Variants in GLIS3 observed in about 807,000 individuals in gnomAD.
The protein encoded by GLIS3 is zinc finger protein GLIS3.
Under a neutral mutation model 78.6 loss-of-function variants are expected in GLIS3, and 53 were observed. The observed-to-expected ratio is 0.67, with a 90% confidence interval of 0.54 to 0.85. GLIS3 has a LOEUF of 0.85. Ranked by LOEUF, GLIS3 falls within the 40% of genes least tolerant of loss-of-function variation. The pLI is 0.00. For missense variants in GLIS3, 1,703 were observed against 1,231.1 expected, an observed-to-expected ratio of 1.38 and a Z score of -5.74; for synonymous variants, 684 against 509.9, an observed-to-expected ratio of 1.34 and a Z score of -4.60.
intron 9 of GLIS3, among the ~76,000 whole-genome samples, chr9:3,843,079 T>C (rs1455028015): frequency 6.6e-6 from 1 of 152,224 alleles, no homozygotes; most frequent in Non-Finnish European, 1.5e-5. Flanking sequence ...GGTGAAATCA[T>C]GGGACCTAAT....
At chr9:4,208,914 C>A (rs10814881) in intron 2 of GLIS3, among the ~76,000 whole-genome samples, 56,424 of 151,966 alleles carry the variant, frequency 0.37, 10,988 homozygotes, top group Non-Finnish European at 0.44. Context: ...ATAATAAAGG[C>A]TGTCTGGATG....
chr9:3,996,942 C>T lies in GLIS3; in HGVS notation c.1711-59753G>A, dbSNP rs952219732. On this transcript the variant is annotated intron_variant, in intron 4 of 10. Coordinates refer to ENST00000381971, the MANE Select transcript of GLIS3 (RefSeq NM_001042413.2). ...CAAATGATAAGTGTCTAGAATAATA[C>T]AAATTACCATAGAACGCTTAAGGAG... Among the ~76,000 whole-genome samples the T allele has an allele frequency of 1.6e-4, 24 of 152,042 alleles. 1 individual carries two copies. Among genetic ancestry groups the T allele is most frequent in the Middle Eastern group, 3.2e-3 (1 of 316 alleles).
rs144851923 is a variant in GLIS3, at chr9:4,043,150, C to T, written c.1710+74618G>A. Reference sequence around the variant, plus strand: ...CTTCCCACAGCCCCACTCAAGGTCCCAATTTAACTCCTGCATTTTAATCCC... The same window carrying T: ...CTTCCCACAGCCCCACTCAAGGTCCTAATTTAACTCCTGCATTTTAATCCC... On this transcript the variant is annotated intron_variant, in intron 4 of 10. Coordinates refer to ENST00000381971, the MANE Select transcript of GLIS3 (RefSeq NM_001042413.2). Among the ~76,000 whole-genome samples, 495 of 152,292 alleles carry T rather than the reference C, an allele frequency of 3.3e-3. 5 individuals are homozygous for T. Among genetic ancestry groups the T allele is most frequent in the Middle Eastern group, 0.01 (3 of 294 alleles).
At chr9:4,387,732 C>T in the GLIS3 span, among the ~76,000 whole-genome samples, 3 of 152,190 alleles carry the variant, frequency 2.0e-5, no homozygotes, top group African/African-American at 7.2e-5. Flanking sequence ...TTTCTATAAT[C>T]TTCATTTGAT....
intron 1 of GLIS3, 44 bp from the exon 2 acceptor site, chr9:4,286,567 A>G: frequency 1.1e-6 from 1 of 949,930 alleles, no homozygotes; most frequent in Non-Finnish European, 1.6e-6. Flanking sequence ...AGCAAAAATG[A>G]AAATAAGATA....
At chr9:3,928,120 C>T (rs1211246356) in intron 6 of GLIS3, among the ~76,000 whole-genome samples, 1 of 152,204 alleles carries the variant, frequency 6.6e-6, no homozygotes, top group South Asian at 2.1e-4. Context: ...AGTGCCGTTT[C>T]AATGTCATCC....
At chr9:4,188,722 T>C (rs1818036852) in intron 2 of GLIS3, among the ~76,000 whole-genome samples, 1 of 152,212 alleles carries the variant, frequency 6.6e-6, no homozygotes, top group South Asian at 2.1e-4. Flanking sequence ...GGTTTAGTCA[T>C]GGGAGGGTGT....
intron 1 of GLIS3, chr9:4,298,344 G>A (rs902847928): frequency 2.0e-5 from 9 of 455,164 alleles, no homozygotes; most frequent in Admixed American, 7.1e-5. Context: ...CGCGAACGCG[G>A]AGCCAGAAAC....
intron 1 of GLIS3, chr9:4,298,566 G>T: frequency 1.3e-5 from 4 of 314,954 alleles, no homozygotes; most frequent in Non-Finnish European, 2.5e-5. Context: ...AGAGCGACCC[G>T]GGCCGACTTC....
chr9:4,134,984 T>G (rs561805363), intron 2 of GLIS3, among the ~76,000 whole-genome samples: 10 of 152,258 alleles, frequency 6.6e-5, no homozygotes, highest in African/African-American at 2.2e-4. Context: ...TCCACTGGAC[T>G]CTCACACAAA....
chr9:4,319,575 G>C (rs994411574), intron 2 of GLIS3, among the ~76,000 whole-genome samples: 5 of 151,898 alleles, frequency 3.3e-5, no homozygotes, highest in Non-Finnish European at 5.9e-5. Context: ...TGTCACCAAG[G>C]CTGGAATGCA....
At chr9:4,248,616 T>C (rs1010221884) in intron 2 of GLIS3, among the ~76,000 whole-genome samples, 5 of 152,250 alleles carry the variant, frequency 3.3e-5, no homozygotes, top group African/African-American at 1.2e-4. Flanking sequence ...GTAGTGGGAT[T>C]GCTGGGTCAA....
intron 4 of GLIS3, among the ~76,000 whole-genome samples, chr9:4,065,214 C>T (rs1197799647): frequency 6.6e-6 from 1 of 152,154 alleles, no homozygotes; most frequent in Non-Finnish European, 1.5e-5. Flanking sequence ...GGATCCCCTT[C>T]TCAGGCTTTC....
At chr9:4,438,643 G>C in the GLIS3 span, among the ~76,000 whole-genome samples, 2 of 152,172 alleles carry the variant, frequency 1.3e-5, no homozygotes, top group Non-Finnish European at 2.9e-5. Flanking sequence ...CACTTGTCAA[G>C]GGCAGGGACA....
rs1224656095 is a variant in GLIS3, at chr9:3,920,053, G to C, written c.1983+12307C>G. Among the ~76,000 whole-genome samples the C allele has an allele frequency of 2.1e-5, 3 of 145,532 alleles. No individual in the cohort carries two copies. In the East Asian group the frequency reaches 6.1e-4, roughly 29 times the overall value. ...GAGTCTCACTCTGTTGCCCAGGCTG[G>C]AGTGCAGTGGCACGGTCTCGGCTCA... On this transcript the variant is annotated intron_variant, in intron 6 of 10. Transcript: ENST00000381971.
chr9:4,099,204 G>T (rs1830181027), intron 4 of GLIS3, among the ~76,000 whole-genome samples: 1 of 152,200 alleles, frequency 6.6e-6, no homozygotes, highest in South Asian at 2.1e-4. Flanking sequence ...TAAAATAACA[G>T]AAATGCATCG....
the GLIS3 span, among the ~76,000 whole-genome samples, chr9:4,440,983 G>A: frequency 1.3e-5 from 2 of 151,670 alleles, no homozygotes; most frequent in African/African-American, 4.8e-5. Flanking sequence ...GAACACTCCT[G>A]ATTTTTGTGT....
the GLIS3 span, among the ~76,000 whole-genome samples, chr9:4,387,084 T>G: frequency 3.9e-5 from 6 of 152,194 alleles, no homozygotes; most frequent in African/African-American, 1.2e-4. Flanking sequence ...AGGAAATGAA[T>G]TTGGTTAAAA....
chr9:4,301,615 C>T (rs1272739181), upstream of GLIS3, among the ~76,000 whole-genome samples: 1 of 152,194 alleles, frequency 6.6e-6, no homozygotes, highest in East Asian at 1.9e-4. Context: ...AACTGCTTCC[C>T]AGGAGCAAGA....
Sources: allele counts gnomAD v4.1 joint callset (sites outside exome capture counted in the v4.1 genomes callset), GRCh38; gene constraint gnomAD v4.1.1; transcripts MANE v1.5; gene names NCBI Gene and HGNC (gene_info 2026-07-23, HGNC 2026-07-21).